The following ROBO1 variants were observed in gnomAD, a reference collection of about 807,000 sequenced individuals.
ROBO1 encodes roundabout homolog 1.
In ROBO1, 149 loss-of-function variants were observed where a neutral mutation model predicts 195.9. The ratio of observed to expected loss-of-function variants is 0.76; its 90% CI spans 0.67 to 0.87. ROBO1 has a LOEUF of 0.87. Among genes scored for constraint, ROBO1 ranks in the 40% least tolerant of loss-of-function variants. The probability of loss-of-function intolerance (pLI) is 0.00; values close to 1 mark genes in which losing one functional copy is unlikely to be tolerated. For synonymous variants in ROBO1, 816 were observed against 733.2 expected, an observed-to-expected ratio of 1.11 and a Z score of -1.82; for missense variants, 1,933 against 2,068.3, an observed-to-expected ratio of 0.93 and a Z score of 1.27.
intron 4 of ROBO1, among the ~76,000 whole-genome samples, chr3:78,860,745 A>G (rs958757480): frequency 6.6e-6 from 1 of 152,062 alleles, no homozygotes; most frequent in African/African-American, 2.4e-5. Context: ...TTGAGGTATA[A>G]TCTTTAGCTG....
At chr3:79,249,463 T>C (rs1224580180) in intron 2 of ROBO1, among the ~76,000 whole-genome samples, 1 of 152,230 alleles carries the variant, frequency 6.6e-6, no homozygotes, top group Admixed American at 6.5e-5. Flanking sequence ...GATGCGTTGC[T>C]GGATCTTCAA....
intron 1 of ROBO1, among the ~76,000 whole-genome samples, chr3:79,724,991 T>A (rs377443437): frequency 1.3e-5 from 2 of 152,262 alleles, no homozygotes; most frequent in Admixed American, 6.5e-5. Flanking sequence ...GCTTTAGTTA[T>A]TACTACCTTG....
chr3:79,044,722 T>C (rs2078556764), intron 3 of ROBO1, among the ~76,000 whole-genome samples: 2 of 152,120 alleles, frequency 1.3e-5, no homozygotes, highest in Non-Finnish European at 2.9e-5. Context: ...AAAAGTTAAA[T>C]AACTTAACTA....
At chr3:78,686,679 T>G (rs2081060014) in intron 9 of ROBO1, among the ~76,000 whole-genome samples, 1 of 152,148 alleles carries the variant, frequency 6.6e-6, no homozygotes, top group Non-Finnish European at 1.5e-5. Context: ...AGACCTTTAA[T>G]ATATTAAAGA....
chr3:78,855,323 T>C (rs2034347201), intron 4 of ROBO1, among the ~76,000 whole-genome samples: 1 of 152,144 alleles, frequency 6.6e-6, no homozygotes, highest in Non-Finnish European at 1.5e-5. Flanking sequence ...CTAATACGTC[T>C]CTCTGAGCTT....
intron 2 of ROBO1, among the ~76,000 whole-genome samples, chr3:79,339,616 C>T (rs1325743831): frequency 6.6e-6 from 1 of 152,072 alleles, no homozygotes; most frequent in Admixed American, 6.6e-5. Context: ...GTTCTCTTTC[C>T]TGATTAATTA....
chr3:78,603,708 T>C (rs1023529391), intron 29 of ROBO1, among the ~76,000 whole-genome samples: 4 of 152,140 alleles, frequency 2.6e-5, no homozygotes, highest in Non-Finnish European at 1.5e-5. Flanking sequence ...GTAAACTGAA[T>C]TATGAAGGTG....
At chr3:79,097,209 G>A (rs2079586851) in intron 3 of ROBO1, among the ~76,000 whole-genome samples, 1 of 151,610 alleles carries the variant, frequency 6.6e-6, no homozygotes, top group Non-Finnish European at 1.5e-5. Context: ...TATTTCATAC[G>A]AATTTCAAAA....
At chr3:78,941,047 A>T (rs2040106871) in intron 3 of ROBO1, among the ~76,000 whole-genome samples, 1 of 152,250 alleles carries the variant, frequency 6.6e-6, no homozygotes, top group Admixed American at 6.5e-5. Flanking sequence ...CATGAGGCTT[A>T]TTTGTATCTA....
At chr3:78,976,108 T>C (rs1263858208) in intron 3 of ROBO1, among the ~76,000 whole-genome samples, 1 of 152,198 alleles carries the variant, frequency 6.6e-6, no homozygotes, top group African/African-American at 2.4e-5. Context: ...GAATAAGTGC[T>C]AAGCAAAACA....
At chr3:79,412,445 A>C (rs1334225676) in intron 2 of ROBO1, among the ~76,000 whole-genome samples, 5 of 152,304 alleles carry the variant, frequency 3.3e-5, no homozygotes, top group South Asian at 4.1e-4. Context: ...CACAGATTAT[A>C]GTACTTGACA....
At chr3:78,861,152 A>G (rs2034813414) in intron 4 of ROBO1, among the ~76,000 whole-genome samples, 1 of 152,178 alleles carries the variant, frequency 6.6e-6, no homozygotes. Context: ...TTAAATGCAC[A>G]GATCCAAACT....
chr3:78,670,013 A>G (rs972652525), intron 11 of ROBO1, 83 bp downstream of exon 11: 6 of 1,060,594 alleles, frequency 5.7e-6, no homozygotes, highest in Non-Finnish European at 8.1e-6. Context: ...ATTAATTGCA[A>G]AGTTAGAAAT....
At chr3:79,546,633 C>G (rs1457184535) in intron 2 of ROBO1, among the ~76,000 whole-genome samples, 3 of 152,178 alleles carry the variant, frequency 2.0e-5, no homozygotes, top group Non-Finnish European at 4.4e-5. Context: ...TCTTTGAAAG[C>G]AAGTTCCAGG....
chr3:79,251,641 C>T (rs2082731667), intron 2 of ROBO1, among the ~76,000 whole-genome samples: 1 of 152,134 alleles, frequency 6.6e-6, no homozygotes, highest in South Asian at 2.1e-4. Flanking sequence ...GTCCCAGCTA[C>T]TCGGGAGGCT....
At chr3:78,769,889 G>A (rs2083328188) in intron 4 of ROBO1, among the ~76,000 whole-genome samples, 1 of 152,056 alleles carries the variant, frequency 6.6e-6, no homozygotes, top group Non-Finnish European at 1.5e-5. Context: ...TGTTTGAGGA[G>A]GCTGAAAATA....
At chr3:79,124,415 T>C (rs1176504137) in intron 3 of ROBO1, among the ~76,000 whole-genome samples, 1 of 152,196 alleles carries the variant, frequency 6.6e-6, no homozygotes, top group Non-Finnish European at 1.5e-5. Flanking sequence ...ATGATATTTA[T>C]GAAGACTGTG....
At chr3:79,428,873 A>G (rs149511749) in intron 2 of ROBO1, among the ~76,000 whole-genome samples, 150 of 152,256 alleles carry the variant, frequency 9.9e-4, no homozygotes, top group African/African-American at 3.2e-3. Flanking sequence ...AATCAGAAAG[A>G]AAAAGCTACT....
In ROBO1 at chr3:79,668,668, A is replaced by G. The variant is rs1946542840; in HGVS notation, c.-50-78707T>C. Among the ~76,000 whole-genome samples, 3 of 151,636 alleles carry G rather than the reference A, an allele frequency of 2.0e-5. No individual in the cohort carries two copies. The South Asian group carries it at 6.2e-4, about 31-fold the overall frequency. ...ACTCAAAGAAATCTAAGCAATTTAC[A>G]CACACACACACGCATTATACATGTA... is the stretch of plus-strand genomic sequence containing the variant. On this transcript the variant is annotated intron_variant, in intron 1 of 30. Transcript: ENST00000464233.
Sources: gnomAD v4.1 joint callset for allele counts (sites outside exome capture counted in the v4.1 genomes callset) on GRCh38, gnomAD v4.1.1 for gene constraint, MANE v1.5 for transcripts, NCBI Gene and HGNC (gene_info 2026-07-23, HGNC 2026-07-21) for gene names.